Variants in COL4A3 observed in about 807,000 individuals in gnomAD.
The protein encoded by COL4A3 is collagen alpha-3(IV) chain.
COL4A3 carries 135 observed loss-of-function variants against 217.4 expected under a neutral mutation model. That is an observed-to-expected ratio of 0.62 (90% CI 0.54 to 0.72). The LOEUF is 0.72. Among genes scored for constraint, COL4A3 ranks in the 30% least tolerant of loss-of-function variants. The probability of loss-of-function intolerance (pLI) is 0.00; values close to 1 mark genes in which losing one functional copy is unlikely to be tolerated. For synonymous variants in COL4A3, 690 were observed against 736.3 expected (o/e 0.94, Z 1.02); for missense variants, 1,868 against 2,119.9 (o/e 0.88, Z 2.33).
intron 1 of COL4A3, among the ~76,000 whole-genome samples, chr2:227,223,757 T>C (rs985511696): frequency 9.2e-5 from 14 of 151,612 alleles, no homozygotes; most frequent in South Asian, 2.1e-4. Flanking sequence ...AACAAATAAA[T>C]AAGCAAATTC....
At chr2:227,252,755 CAGT>C (rs1294975067) in intron 11 of COL4A3, among the ~76,000 whole-genome samples, 3 of 152,076 alleles carry the variant, frequency 2.0e-5, no homozygotes, top group Admixed American at 6.6e-5. Flanking sequence ...TCTGCATACT[CAGT>C]GGTGAAAAAG....
At position 227,182,946 on chromosome 2, in the gene COL4A3, A is replaced by G. The variant is rs185560408; in HGVS notation, c.87+18133A>G. ...CTCTAACATTTACTAACATACTGTA[A>G]ATGATTTACTTAGGAGTCTGTTTTA... On this transcript the variant is annotated intron_variant, in intron 1 of 51. Coordinates refer to ENST00000396578, the MANE Select transcript of COL4A3 (RefSeq NM_000091.5). Among the ~76,000 whole-genome samples the G allele has an allele frequency of 6.1e-4, 93 of 152,362 alleles. 1 individual carries two copies. Among genetic ancestry groups the G allele is most frequent in the African/African-American group, 2.0e-3 (85 of 41,580 alleles).
At chr2:227,245,682 A>G (rs1464853254) in intron 5 of COL4A3, 1 of 509,596 alleles carries the variant, frequency 2.0e-6, no homozygotes, top group Non-Finnish European at 3.5e-6. Context: ...CCAGCTTAAA[A>G]CAGCATGTTA....
In COL4A3 at chr2:227,304,134, T is replaced by G. The variant is rs912961400; in HGVS notation, c.4143T>G (p.Pro1381=). 1.2e-6 allele frequency: 2 copies of G among 1,613,924 alleles called. No individual in the cohort carries two copies. The highest frequency in any genetic ancestry group is 1.7e-6 in the Non-Finnish European group (2 of 1,179,970). ...MQGEPGPPGP[P]GNLGPCGPRG... ...GAGAACCTGGGCCACCAGGGCCACCTGGAAACCTAGGTGTGGGACTGGCAG... is the reference window on the plus strand; with the variant it reads ...GAGAACCTGGGCCACCAGGGCCACCGGGAAACCTAGGTGTGGGACTGGCAG... Residue 1381 remains proline, a synonymous_variant, in exon 46 of 52, where the codon CCT becomes CCG. Transcript: ENST00000396578.
intron 28 of COL4A3, among the ~76,000 whole-genome samples, chr2:227,279,222 A>G (rs1574772520): frequency 6.6e-6 from 1 of 151,572 alleles, no homozygotes; most frequent in Admixed American, 6.6e-5. Flanking sequence ...GGGATTACAG[A>G]CATGTGCCAC....
At chr2:227,230,780 C>A (rs1284464888) in intron 1 of COL4A3, among the ~76,000 whole-genome samples, 1 of 152,178 alleles carries the variant, frequency 6.6e-6, no homozygotes, top group East Asian at 1.9e-4. Context: ...GAGTCTTGAG[C>A]TACTGTCATC....
rs1412293857 is a variant in COL4A3, at chr2:227,298,820, T to C, written c.3882+8T>C. ...GGACCACCAGGTCGTCTGGTGAGTA[T>C]GGATAATTATTTTGACTCATTATTA... On this transcript the variant is annotated splice_region_variant and intron_variant, in intron 43 of 51. Transcript: ENST00000396578. The C allele has an allele frequency of 1.2e-6, 2 of 1,612,790 alleles. No homozygotes were observed. Among genetic ancestry groups the C allele is most frequent in the Middle Eastern group, 1.8e-4 (1 of 5,650 alleles).
intron 3 of COL4A3, among the ~76,000 whole-genome samples, chr2:227,241,692 G>GTATA (rs569303340): frequency 1.7e-4 from 26 of 151,558 alleles, no homozygotes; most frequent in African/African-American, 6.3e-4. Flanking sequence ...ATACGTGTGT[G>GTATA]TATATATATA....
chr2:227,236,228 G>A (rs188154241), intron 1 of COL4A3, among the ~76,000 whole-genome samples: 24 of 152,194 alleles, frequency 1.6e-4, no homozygotes, highest in African/African-American at 4.8e-4. Flanking sequence ...TGTATTTTTC[G>A]TATAATGACT....
chr2:227,281,281 T>A (rs2071947651), intron 31 of COL4A3, among the ~76,000 whole-genome samples: 2 of 152,232 alleles, frequency 1.3e-5, no homozygotes, highest in Admixed American at 1.3e-4. Flanking sequence ...GATTGGTGTG[T>A]GTTTACATAT....
rs537723983 is a variant in COL4A3 at position 227,194,765 on chromosome 2, A to G, written c.87+29952A>G. ...AAGTAGAAATGCTGTAAATTCATAAATATTGTGGCTAAATGTTTGGAAAAT... is the reference window on the plus strand; with the variant it reads ...AAGTAGAAATGCTGTAAATTCATAAGTATTGTGGCTAAATGTTTGGAAAAT... On this transcript the variant is annotated intron_variant, in intron 1 of 51. Transcript: ENST00000396578. Among the ~76,000 whole-genome samples, 10 of 152,364 alleles carry G rather than the reference A, an allele frequency of 6.6e-5. No homozygotes were observed. In the South Asian group the frequency reaches 2.1e-3, roughly 32 times the overall value.
intron 1 of COL4A3, among the ~76,000 whole-genome samples, chr2:227,171,930 C>T (rs1006053326): frequency 2.0e-5 from 3 of 152,190 alleles, no homozygotes; most frequent in Non-Finnish European, 4.4e-5. Context: ...GGTCTAGGGT[C>T]CCTTCTCTCC....
rs764952038 is a variant in COL4A3, at chr2:227,304,981, C to A, written c.4154-4C>A. On this transcript the variant is annotated splice_polypyrimidine_tract_variant and splice_region_variant and intron_variant, in intron 46 of 51. Coordinates refer to ENST00000396578, the MANE Select transcript of COL4A3 (RefSeq NM_000091.5). ...AATGCAATACAATGTTGGTTTTTGC[C>A]TAGGACCCTGTGGGCCAAGAGGTAA... The A allele has an allele frequency of 1.9e-6, 3 of 1,613,110 alleles. No individual in the cohort carries two copies. Among genetic ancestry groups the A allele is most frequent in the South Asian group, 2.2e-5 (2 of 90,984 alleles).
intron 17 of COL4A3, among the ~76,000 whole-genome samples, chr2:227,257,101 A>C (rs903111852): frequency 6.6e-6 from 1 of 152,264 alleles, no homozygotes; most frequent in African/African-American, 2.4e-5. Context: ...TATCATATAC[A>C]CAGTCCATCA....
chr2:227,290,176 C>T, intron 36 of COL4A3, 88 bp downstream of exon 36: 1 of 1,283,142 alleles, frequency 7.8e-7, no homozygotes, highest in South Asian at 1.2e-5. Context: ...TTTGGTTTTC[C>T]ACTTGGTAGA....
chr2:227,190,080 G>GA (rs946342693), intron 1 of COL4A3, among the ~76,000 whole-genome samples: 4 of 151,748 alleles, frequency 2.6e-5, no homozygotes, highest in African/African-American at 7.2e-5. Flanking sequence ...GAAAAAAAAA[G>GA]AAAAAAAAGC....
chr2:227,307,355 A>AT (rs1034695823), intron 47 of COL4A3, among the ~76,000 whole-genome samples: 12 of 152,188 alleles, frequency 7.9e-5, no homozygotes, highest in Admixed American at 3.9e-4. Context: ...TAGATATTTG[A>AT]TTTTTCCCCC....
intron 50 of COL4A3, among the ~76,000 whole-genome samples, chr2:227,309,758 T>C (rs1236783881): frequency 6.6e-6 from 1 of 152,086 alleles, no homozygotes; most frequent in Admixed American, 6.5e-5. Flanking sequence ...TGTGCTACCA[T>C]GCCCAGCTAA....
At chr2:227,173,157 G>A (rs867376433) in intron 1 of COL4A3, among the ~76,000 whole-genome samples, 21 of 152,102 alleles carry the variant, frequency 1.4e-4, no homozygotes, top group African/African-American at 3.4e-4. Flanking sequence ...AAGGAAGCTC[G>A]GTGGGTAAAC....
Sources: gnomAD v4.1 joint callset for allele counts (sites outside exome capture counted in the v4.1 genomes callset) on GRCh38, gnomAD v4.1.1 for gene constraint, MANE v1.5 for transcripts, NCBI Gene and HGNC (gene_info 2026-07-23, HGNC 2026-07-21) for gene names.